The following ZNF536 variants were observed in gnomAD, a reference collection of about 807,000 sequenced individuals.
The protein encoded by ZNF536 is zinc finger protein 536.
In ZNF536, 13 loss-of-function variants were observed where a neutral mutation model predicts 84.5. The observed-to-expected ratio is 0.15, with a 90% CI of 0.10 to 0.24. ZNF536 has a LOEUF of 0.24. Among genes scored for constraint, ZNF536 ranks in the 10% least tolerant of loss-of-function variants. The probability of loss-of-function intolerance (pLI) is 1.00; values close to 1 mark genes in which losing one functional copy is unlikely to be tolerated. For missense variants in ZNF536, 1,536 were observed against 1,747.5 expected (o/e 0.88, Z 2.16); for synonymous variants, 811 against 742.5 (o/e 1.09, Z -1.50).
intron 2 of ZNF536, among the ~76,000 whole-genome samples, chr19:30,350,748 T>C (rs2047905956): frequency 6.6e-6 from 1 of 152,218 alleles, no homozygotes; most frequent in Non-Finnish European, 1.5e-5. Flanking sequence ...AGTGGCTTCA[T>C]ATGAAGCAAT....
chr19:30,695,070 G>T (rs550166963), intron 1 of ZNF536, among the ~76,000 whole-genome samples: 1 of 152,060 alleles, frequency 6.6e-6, no homozygotes, highest in Non-Finnish European at 1.5e-5. Flanking sequence ...TGAGATTGGG[G>T]TTACTAAAGG....
rs757128655 is a variant in ZNF536, at chr19:30,444,270, C to G, written c.708C>G (p.Ala236=). ...CGCACGCCCAGCAGGCCCCGCTGGC[C>G]GCCTGCACCCTGGCCCTGCAGGCTA... ...PPPHAQQAPL[A]ACTLALQANH... is the part of the protein sequence containing the mutation. The change falls in exon 2 of 5, where the codon GCC becomes GCG. Residue 236 remains alanine, a synonymous_variant. Transcript: ENST00000355537. The G allele has an allele frequency of 2.6e-6, 4 of 1,558,096 alleles. No individual in the cohort carries two copies. Among genetic ancestry groups the G allele is most frequent in the South Asian group, 2.3e-5 (2 of 86,558 alleles).
chr19:30,465,639 CTGGTGCT>C lies in ZNF536; in HGVS notation c.2170+19909_2170+19915del, dbSNP rs1326472948. Among the ~76,000 whole-genome samples the C allele has an allele frequency of 2.6e-5, 4 of 152,188 alleles. No homozygotes were observed. The East Asian group carries it at 7.7e-4, about 29-fold the overall frequency. Reference sequence around the variant, plus strand: ...GGTGTGGTGGCTTAGGCCTGGAATCCTGGTGCTTTGGGAGGCCAAGGCAGGAGGATCA... The same window carrying C: ...GGTGTGGTGGCTTAGGCCTGGAATCCTTGGGAGGCCAAGGCAGGAGGATCA... On this transcript the variant is annotated intron_variant, in intron 2 of 4. Coordinates refer to ENST00000355537, the MANE Select transcript of ZNF536 (RefSeq NM_014717.3).
At chr19:30,666,832 G>GTGTATATA (rs71333464) in intron 1 of ZNF536, among the ~76,000 whole-genome samples, 3 of 149,108 alleles carry the variant, frequency 2.0e-5, no homozygotes, top group African/African-American at 7.4e-5. Flanking sequence ...GTGTGTGTGT[G>GTGTATATA]TATATATATA....
At chr19:30,539,932 A>G (rs1266843398) in intron 3 of ZNF536, among the ~76,000 whole-genome samples, 3 of 152,216 alleles carry the variant, frequency 2.0e-5, no homozygotes, top group African/African-American at 2.4e-5. Flanking sequence ...AAATGTAATA[A>G]GCAACTTCAC....
intron 1 of ZNF536, among the ~76,000 whole-genome samples, chr19:30,708,550 G>A (rs1600350646): frequency 6.6e-6 from 1 of 152,162 alleles, no homozygotes; most frequent in African/African-American, 2.4e-5. Flanking sequence ...CTGGCGGTGG[G>A]AAACTGGAAG....
At chr19:30,657,694 T>C (rs2049966915) in intron 1 of ZNF536, among the ~76,000 whole-genome samples, 1 of 152,248 alleles carries the variant, frequency 6.6e-6, no homozygotes, top group African/African-American at 2.4e-5. Flanking sequence ...CTCCAGAATT[T>C]CTTCTCTGAT....
intron 2 of ZNF536, among the ~76,000 whole-genome samples, chr19:30,522,504 T>C (rs2044401823): frequency 6.7e-6 from 1 of 149,008 alleles, no homozygotes. Context: ...TGCCACTGTT[T>C]ACTCTTCAAT....
At chr19:30,407,929 A>G (rs904945725) in intron 1 of ZNF536, among the ~76,000 whole-genome samples, 1 of 152,124 alleles carries the variant, frequency 6.6e-6, no homozygotes, top group African/African-American at 2.4e-5. Flanking sequence ...TCTTTGGCTC[A>G]CAGAGGATGA....
In ZNF536 at chr19:30,521,391, C is replaced by T. The variant is rs1370730252; in HGVS notation, c.2171-13456C>T. Among the ~76,000 whole-genome samples the T allele has an allele frequency of 2.6e-5, 4 of 152,272 alleles. No homozygotes were observed. The East Asian group carries it at 7.7e-4, about 29-fold the overall frequency. The stretch of plus-strand genomic sequence containing the variant: ...CTTCTGGGGGGCTTGTTGGAGGACA[C>T]ACTCATCTTGGGATCCTTGTCTCTG... On this transcript the variant is annotated intron_variant, in intron 2 of 4. Transcript: ENST00000355537.
At chr19:30,687,389 CG>C (rs1269895759) in intron 1 of ZNF536, among the ~76,000 whole-genome samples, 2 of 152,166 alleles carry the variant, frequency 1.3e-5, no homozygotes, top group African/African-American at 4.8e-5. Context: ...GTGTACAGGA[CG>C]GGGCATCAAA....
chr19:30,432,306 G>A (rs564201076), intron 1 of ZNF536, among the ~76,000 whole-genome samples: 1 of 152,204 alleles, frequency 6.6e-6, no homozygotes, highest in Non-Finnish European at 1.5e-5. Context: ...AAGCTTAGAG[G>A]ACCAGGGGGC....
At chr19:30,675,400 G>A (rs902436469) in intron 1 of ZNF536, among the ~76,000 whole-genome samples, 7 of 152,210 alleles carry the variant, frequency 4.6e-5, no homozygotes, top group Admixed American at 1.3e-4. Flanking sequence ...GAGAAAGGAC[G>A]CTGTTCCTAA....
chr19:30,648,969 C>G (rs2049585149), intron 1 of ZNF536, among the ~76,000 whole-genome samples: 1 of 152,196 alleles, frequency 6.6e-6, no homozygotes, highest in Non-Finnish European at 1.5e-5. Flanking sequence ...CACTGTTTCT[C>G]CGACCACTGT....
At chr19:30,364,047 C>T (rs1216279869) in intron 3 of ZNF536, among the ~76,000 whole-genome samples, 3 of 152,132 alleles carry the variant, frequency 2.0e-5, no homozygotes, top group Non-Finnish European at 4.4e-5. Flanking sequence ...ACTTAGGATA[C>T]AGGTGTGAGA....
chr19:30,369,831 C>A (rs1600422984), upstream of ZNF536, among the ~76,000 whole-genome samples: 1 of 151,916 alleles, frequency 6.6e-6, no homozygotes, highest in African/African-American at 2.4e-5. Context: ...GAAAAAAAAA[C>A]AGTAATAGGC....
Position 30,660,711 on chromosome 19 carries a change from G to A in ZNF536, c.170-50046G>A, listed in dbSNP as rs10414993. Among the ~76,000 whole-genome samples the A allele has an allele frequency of 6.4e-3, 972 of 152,220 alleles. 7 individuals are homozygous for A. Among genetic ancestry groups the A allele is most frequent in the African/African-American group, 0.022 (929 of 41,548 alleles). On this transcript the variant is annotated intron_variant, in intron 1 of 1. Transcript: ENST00000592773. ...GCTTCAGCTTTAAAAGGTTCCTATCGATTGCAAGTTTCAAGGCCATATGGC... is the reference window on the plus strand; with the variant it reads ...GCTTCAGCTTTAAAAGGTTCCTATCAATTGCAAGTTTCAAGGCCATATGGC...
chr19:30,428,331 A>G (rs1448183928), intron 1 of ZNF536, among the ~76,000 whole-genome samples: 2 of 152,206 alleles, frequency 1.3e-5, no homozygotes, highest in Non-Finnish European at 2.9e-5. Flanking sequence ...ACTTCCTAGC[A>G]GTGACCTCAC....
At chr19:30,265,121 T>TCTCCC (rs1315438677) in intron 1 of ZNF536, among the ~76,000 whole-genome samples, 67 of 152,224 alleles carry the variant, frequency 4.4e-4, no homozygotes, top group African/African-American at 1.6e-3. Context: ...GCCTTCAGGG[T>TCTCCC]GCTGGCTCTT....
Sources: gnomAD v4.1 joint callset for allele counts (sites outside exome capture counted in the v4.1 genomes callset) on GRCh38, gnomAD v4.1.1 for gene constraint, MANE v1.5 for transcripts, NCBI Gene and HGNC (gene_info 2026-07-23, HGNC 2026-07-21) for gene names.